STK39: variants seen among roughly 807,000 people sequenced by gnomAD.
STK39 encodes the protein STE20/SPS1-related proline-alanine-rich protein kinase.
A neutral mutation model predicts 77.8 loss-of-function variants in STK39; 20 were observed. The ratio of observed to expected loss-of-function variants is 0.26; its 90% CI spans 0.18 to 0.37. The LOEUF is 0.37. Ranked by LOEUF, STK39 falls within the 10% of genes least tolerant of loss-of-function variation. The pLI is 1.00. For missense variants in STK39, 479 were observed against 656.5 expected, an observed-to-expected ratio of 0.73 and a Z score of 2.95; for synonymous variants, 246 against 234.1, an observed-to-expected ratio of 1.05 and a Z score of -0.47.
At chr2:168,080,979 G>GAT (rs1447479654) in intron 10 of STK39, among the ~76,000 whole-genome samples, 1 of 152,258 alleles carries the variant, frequency 6.6e-6, no homozygotes, top group Non-Finnish European at 1.5e-5. Context: ...GATTTAGGAG[G>GAT]ATATATGGAA....
intron 16 of STK39, among the ~76,000 whole-genome samples, chr2:167,965,963 G>T (rs1160910660): frequency 2.0e-5 from 3 of 152,086 alleles, no homozygotes. Flanking sequence ...GGAGAAAAAA[G>T]AAAAATTATG....
intron 5 of STK39, among the ~76,000 whole-genome samples, chr2:168,141,226 T>G (rs1687972399): frequency 6.6e-6 from 1 of 152,220 alleles, no homozygotes; most frequent in Non-Finnish European, 1.5e-5. Flanking sequence ...ATGAATTAAT[T>G]AGGCATACTG....
At chr2:168,193,533 G>A (rs1004760098) in intron 1 of STK39, among the ~76,000 whole-genome samples, 10 of 152,174 alleles carry the variant, frequency 6.6e-5, no homozygotes, top group East Asian at 3.9e-4. Context: ...GCTAAGCCCC[G>A]GTGGAAGCAG....
At chr2:168,112,506 C>T (rs182979003) in intron 10 of STK39, among the ~76,000 whole-genome samples, 2 of 152,198 alleles carry the variant, frequency 1.3e-5, no homozygotes, top group Middle Eastern at 3.4e-3. Context: ...ATGTAAGATG[C>T]GTCTTGCTTC....
intron 1 of STK39, among the ~76,000 whole-genome samples, chr2:168,191,142 C>G (rs1201506110): frequency 1.3e-5 from 2 of 152,216 alleles, no homozygotes; most frequent in African/African-American, 4.8e-5. Context: ...CACTCCATCC[C>G]TTCTTTGCAG....
At chr2:168,028,701 T>C (rs986909379) in intron 14 of STK39, among the ~76,000 whole-genome samples, 3 of 152,194 alleles carry the variant, frequency 2.0e-5, no homozygotes, top group Admixed American at 6.5e-5. Context: ...TCATTAACAT[T>C]ATTTGTGCCT....
chr2:168,178,176 C>T (rs182771593), intron 2 of STK39, among the ~76,000 whole-genome samples: 192 of 152,264 alleles, frequency 1.3e-3, no homozygotes, highest in Middle Eastern at 3.4e-3. Context: ...ATGGGCTTGA[C>T]AAATGTGCAG....
chr2:168,182,743 G>C (rs12692877), intron 1 of STK39, among the ~76,000 whole-genome samples: 48,382 of 152,062 alleles, frequency 0.32, 7,940 homozygotes, highest in East Asian at 0.46. Context: ...TATTTTATAA[G>C]AGCAAAATGT....
chr2:168,233,547 G>A (rs1172949595), intron 1 of STK39, among the ~76,000 whole-genome samples: 1 of 152,096 alleles, frequency 6.6e-6, no homozygotes, highest in Non-Finnish European at 1.5e-5. Context: ...CTTAAATGAT[G>A]TTTTACTTGC....
At chr2:168,144,980 G>GA (rs549856703) in intron 5 of STK39, among the ~76,000 whole-genome samples, 8,586 of 125,730 alleles carry the variant, frequency 0.068, 317 homozygotes, top group Non-Finnish European at 0.11. Flanking sequence ...GCCCGTCTCA[G>GA]AAAAAAAAAA....
chr2:168,114,682 A>G (rs1197125099), intron 10 of STK39, among the ~76,000 whole-genome samples: 2 of 152,222 alleles, frequency 1.3e-5, no homozygotes, highest in African/African-American at 2.4e-5. Context: ...TGAATGGTTA[A>G]GATCATAGGA....
chr2:168,247,061 T>TAAAAAAAAAA (rs755613797), intron 1 of STK39, among the ~76,000 whole-genome samples, 167 bp downstream of exon 1: 3 of 89,286 alleles, frequency 3.4e-5, no homozygotes, highest in African/African-American at 1.4e-4. Flanking sequence ...CATTAAAAAT[T>TAAAAAAAAAA]AAAAAAAAAA....
intron 2 of STK39, among the ~76,000 whole-genome samples, chr2:168,178,898 C>T (rs1188515126): frequency 2.6e-5 from 4 of 152,152 alleles, no homozygotes; most frequent in African/African-American, 9.7e-5. Flanking sequence ...GCCATCAATT[C>T]TGACCTGTGT....
At chr2:168,099,306 TTTC>T (rs1158424919) in intron 10 of STK39, among the ~76,000 whole-genome samples, 1 of 152,248 alleles carries the variant, frequency 6.6e-6, no homozygotes, top group Admixed American at 6.5e-5. Flanking sequence ...CATCAGAGTG[TTTC>T]TTAACATCTA....
At chr2:167,976,172 T>G (rs1222250597) in intron 16 of STK39, among the ~76,000 whole-genome samples, 1 of 152,222 alleles carries the variant, frequency 6.6e-6, no homozygotes, top group African/African-American at 2.4e-5. Flanking sequence ...ATCAAATTTA[T>G]AAAAGTGCAA....
At chr2:168,216,714 C>T (rs1054268102) in intron 1 of STK39, among the ~76,000 whole-genome samples, 10 of 152,174 alleles carry the variant, frequency 6.6e-5, no homozygotes, top group Non-Finnish European at 1.5e-4. Flanking sequence ...AGACATTATT[C>T]GTGTGCTTTC....
chr2:168,134,354 T>C (rs147421576), intron 8 of STK39, among the ~76,000 whole-genome samples: 116 of 152,264 alleles, frequency 7.6e-4, no homozygotes, highest in African/African-American at 2.7e-3. Context: ...GAATATGATA[T>C]AGTTTAAATA....
At position 167,955,409 on chromosome 2, in the gene STK39, G is replaced by A. The variant is rs1691736241; in HGVS notation, c.*87C>T. On this transcript the variant is annotated 3_prime_UTR_variant, in exon 18 of 18. Coordinates refer to ENST00000355999, the MANE Select transcript of STK39 (RefSeq NM_013233.3). Reference sequence around the variant, plus strand: ...CTAGGAAATGGGAGTGAGGGGGTGGGAGGAAATGGGCAGAAAGAGGGAGGG... The same window carrying A: ...CTAGGAAATGGGAGTGAGGGGGTGGAAGGAAATGGGCAGAAAGAGGGAGGG... 6.9e-6 allele frequency: 9 copies of A among 1,305,072 alleles called. No individual in the cohort carries two copies. In the East Asian group the frequency reaches 1.7e-4, roughly 24 times the overall value. 80.8% of individuals were successfully genotyped at this position (1,305,072 alleles called of 1,614,324 possible). A position where few individuals can be genotyped will look rare whatever the true frequency, so the allele number is the denominator to read the frequency against.
chr2:168,086,521 T>G (rs1448590923), intron 10 of STK39, among the ~76,000 whole-genome samples: 1 of 152,224 alleles, frequency 6.6e-6, no homozygotes, highest in Non-Finnish European at 1.5e-5. Flanking sequence ...GCATTTCCTT[T>G]TTCTATAATG....
Sources: gnomAD v4.1 joint callset for allele counts (sites outside exome capture counted in the v4.1 genomes callset) on GRCh38, gnomAD v4.1.1 for gene constraint, MANE v1.5 for transcripts, NCBI Gene and HGNC (gene_info 2026-07-23, HGNC 2026-07-21) for gene names.